Variants in PTPN14 observed in about 807,000 individuals in gnomAD.
The protein encoded by PTPN14 is protein tyrosine phosphatase non-receptor type 14.
Under a neutral mutation model 126.8 loss-of-function variants are expected in PTPN14, and 53 were observed. That is an observed-to-expected ratio of 0.42 (90% CI 0.34 to 0.53). The LOEUF is 0.53. Ranked by LOEUF, PTPN14 falls within the 20% of genes least tolerant of loss-of-function variation. The pLI, the probability that PTPN14 is intolerant of heterozygous loss-of-function variation, is 0.08. For missense variants in PTPN14, 1,257 were observed against 1,552.9 expected, an observed-to-expected ratio of 0.81 and a Z score of 3.20; for synonymous variants, 630 against 599.3, an observed-to-expected ratio of 1.05 and a Z score of -0.75.
At chr1:214,518,797 A>G (rs189387168) in intron 1 of PTPN14, among the ~76,000 whole-genome samples, 77 of 152,360 alleles carry the variant, frequency 5.1e-4, no homozygotes, top group Middle Eastern at 6.8e-3. Flanking sequence ...AAGAGGTAAA[A>G]TTAAGTAACT....
intron 3 of PTPN14, among the ~76,000 whole-genome samples, chr1:214,442,977 C>A (rs377753020): frequency 6.6e-6 from 1 of 152,114 alleles, no homozygotes. Context: ...GTATGTGCCA[C>A]CATGCCAGGC....
At chr1:214,533,423 T>C (rs1472301577) in intron 1 of PTPN14, 1 of 412,544 alleles carries the variant, frequency 2.4e-6, no homozygotes, top group South Asian at 2.0e-5. Flanking sequence ...GCAAAGTGAG[T>C]GGCAAAGTGG....
At chr1:214,392,764 A>G (rs2102551714) in intron 10 of PTPN14, among the ~76,000 whole-genome samples, 1 of 152,328 alleles carries the variant, frequency 6.6e-6, no homozygotes. Flanking sequence ...CCCGACAGTG[A>G]CCAATTGCAG....
At chr1:214,432,503 A>C (rs546122693) in intron 3 of PTPN14, among the ~76,000 whole-genome samples, 201 of 152,356 alleles carry the variant, frequency 1.3e-3, no homozygotes, top group Non-Finnish European at 2.7e-3. Flanking sequence ...TAAGACATGT[A>C]CTAGAAATGT....
chr1:214,411,345 C>CAA, intron 5 of PTPN14, among the ~76,000 whole-genome samples: 1 of 152,148 alleles, frequency 6.6e-6, no homozygotes, highest in Non-Finnish European at 1.5e-5. Context: ...ATGACATGAT[C>CAA]TTATATGTAG....
At chr1:214,515,875 G>A (rs1200447663) in intron 1 of PTPN14, among the ~76,000 whole-genome samples, 1 of 152,034 alleles carries the variant, frequency 6.6e-6, no homozygotes, top group Admixed American at 6.6e-5. Flanking sequence ...CTTCTCTTGA[G>A]AAATATCTTG....
At position 214,536,206 on chromosome 1, in the gene PTPN14, G is replaced by A. The variant is rs547522777; in HGVS notation, c.-155+14977C>T. Among the ~76,000 whole-genome samples the A allele has an allele frequency of 2.1e-4, 32 of 152,054 alleles. 1 individual carries two copies. The East Asian group carries it at 3.5e-3, about 17-fold the overall frequency. ...GGAGATAACTTGGGGCCAGGAGTTC[G>A]AGACCAGCCTGGGCAACATGATGAA... On this transcript the variant is annotated intron_variant, in intron 1 of 18. Transcript: ENST00000366956.
Position 214,393,502 on chromosome 1 carries a change from A to G in PTPN14, c.929+193T>C, listed in dbSNP as rs7355212. Among the ~76,000 whole-genome samples, 145,615 of 152,306 alleles carry G rather than the reference A, an allele frequency of 0.96. 69,668 individuals are homozygous for G. The highest frequency in any genetic ancestry group is 1 in the East Asian group (5,170 of 5,172). ...TCAATTTGTGAATTATTCTCTCTCTAGGCATATGCACGACACTAGACAGTC... is the reference window on the plus strand; with the variant it reads ...TCAATTTGTGAATTATTCTCTCTCTGGGCATATGCACGACACTAGACAGTC... On this transcript the variant is annotated intron_variant, in intron 10 of 18. Coordinates refer to ENST00000366956, the MANE Select transcript of PTPN14 (RefSeq NM_005401.5).
chr1:214,394,521 C>T (rs1254976808), intron 9 of PTPN14, among the ~76,000 whole-genome samples: 1 of 152,192 alleles, frequency 6.6e-6, no homozygotes, highest in Non-Finnish European at 1.5e-5. Context: ...AATTCTCCTG[C>T]CTCAGCCTCC....
intron 3 of PTPN14, among the ~76,000 whole-genome samples, chr1:214,433,196 C>A (rs1454327339): frequency 6.6e-6 from 1 of 152,104 alleles, no homozygotes; most frequent in Non-Finnish European, 1.5e-5. Flanking sequence ...AGCCCGGCCT[C>A]ACTTTTCATT....
chr1:214,462,283 G>A (rs1660530905), intron 2 of PTPN14, among the ~76,000 whole-genome samples: 1 of 152,120 alleles, frequency 6.6e-6, no homozygotes, highest in Non-Finnish European at 1.5e-5. Context: ...GTAGTTGTGG[G>A]ATGATCCAGG....
At chr1:214,421,707 T>C (rs2102594380) in intron 3 of PTPN14, among the ~76,000 whole-genome samples, 1 of 152,218 alleles carries the variant, frequency 6.6e-6, no homozygotes. Context: ...TCCAACTTCA[T>C]ATCTCACCAC....
chr1:214,459,508 T>A (rs1660461268), intron 2 of PTPN14, among the ~76,000 whole-genome samples: 1 of 140,410 alleles, frequency 7.1e-6, no homozygotes, highest in Non-Finnish European at 1.5e-5. Flanking sequence ...TCTCACTCTG[T>A]CACCAAGCTG....
intron 3 of PTPN14, among the ~76,000 whole-genome samples, chr1:214,437,987 T>C (rs1659957031): frequency 6.6e-6 from 1 of 152,230 alleles, no homozygotes; most frequent in Non-Finnish European, 1.5e-5. Context: ...TAAAATGCCA[T>C]AGGCAATACT....
chr1:214,411,258 G>A (rs1453117659), intron 5 of PTPN14, among the ~76,000 whole-genome samples: 1 of 151,884 alleles, frequency 6.6e-6, no homozygotes, highest in East Asian at 1.9e-4. Flanking sequence ...AGTACTGGAA[G>A]TCCTAGCCAG....
chr1:214,387,362 A>C (rs1658643545), intron 11 of PTPN14, among the ~76,000 whole-genome samples: 1 of 152,138 alleles, frequency 6.6e-6, no homozygotes. Context: ...AAATACAAAA[A>C]TTAGCCAGGC....
At chr1:214,426,264 C>CT (rs1659662770) in intron 3 of PTPN14, among the ~76,000 whole-genome samples, 2 of 152,140 alleles carry the variant, frequency 1.3e-5, no homozygotes, top group South Asian at 4.2e-4. Flanking sequence ...AATCTAGTAT[C>CT]TTCCTATGCT....
At chr1:214,536,829 T>C (rs1326768483) in intron 1 of PTPN14, among the ~76,000 whole-genome samples, 1 of 152,212 alleles carries the variant, frequency 6.6e-6, no homozygotes, top group East Asian at 1.9e-4. Flanking sequence ...GTCAAAGTAA[T>C]TGTGGGTTTT....
intron 3 of PTPN14, among the ~76,000 whole-genome samples, chr1:214,436,923 C>CA (rs975886949): frequency 3.3e-5 from 5 of 150,980 alleles, no homozygotes; most frequent in Non-Finnish European, 5.9e-5. Context: ...ATGCAACACA[C>CA]AAAATCTCTC....
Sources: allele counts gnomAD v4.1 joint callset (sites outside exome capture counted in the v4.1 genomes callset), GRCh38; gene constraint gnomAD v4.1.1; transcripts MANE v1.5; gene names NCBI Gene and HGNC (gene_info 2026-07-23, HGNC 2026-07-21).